The following ZNF445 variants were observed in gnomAD, a reference collection of about 807,000 sequenced individuals.
ZNF445 encodes the protein zinc finger protein 168.
ZNF445 carries 19 observed loss-of-function variants against 93.9 expected under a neutral mutation model. That is an observed-to-expected ratio of 0.20 (90% CI 0.14 to 0.30). The LOEUF is 0.30. Ranked by LOEUF, ZNF445 falls within the 10% of genes least tolerant of loss-of-function variation. ZNF445 has a pLI of 1.00. For missense variants in ZNF445, 1,058 were observed against 1,259.4 expected, an observed-to-expected ratio of 0.84 and a Z score of 2.42; for synonymous variants, 449 against 446.3, an observed-to-expected ratio of 1.01 and a Z score of -0.08.
chr3:44,449,251 GAAGC>G (rs1409219774), intron 7 of ZNF445, among the ~76,000 whole-genome samples: 4 of 152,162 alleles, frequency 2.6e-5, no homozygotes, highest in African/African-American at 9.7e-5. Flanking sequence ...CAGGAACAGT[GAAGC>G]CCTCCAGCAG....
chr3:44,451,317 A>G lies in ZNF445; in HGVS notation c.595T>C (p.Ser199Pro), dbSNP rs750834061. The change falls in exon 4 of 8, where the codon TCC (serine) becomes CCC (proline). Residue 199 changes from serine to proline, a missense_variant. Physicochemically the swap from Ser to Pro is moderately conservative, Grantham distance 74. Around this residue, in one of 3 missense-constraint regions of ZNF445, gnomAD observed 657 missense variants for 746.4 expected, o/e 0.88. Coordinates refer to ENST00000396077, the MANE Select transcript of ZNF445 (RefSeq NM_181489.6). ...CTTAAGGCCAGGCAGCAAGTACCGG[A>G]TTGCCCAGCCAGGAAGTCACGTGCT... ...IEARDFLAGQ[S>P]DTPAAQMPAL... 1 of 1,613,148 alleles carries G rather than the reference A, an allele frequency of 6.2e-7. No homozygotes were observed. The highest frequency in any genetic ancestry group is 1.1e-5 in the South Asian group (1 of 91,070).
Position 44,432,023 on chromosome 3 carries a change from C to G in ZNF445, c.*14552G>C, listed in dbSNP as rs758932222. On this transcript the variant is annotated 3_prime_UTR_variant, in exon 8 of 8. Coordinates refer to ENST00000396077, the MANE Select transcript of ZNF445 (RefSeq NM_181489.6). The stretch of plus-strand genomic sequence containing the variant: ...CAAGCTATTCTCCCATCTTAGCCTC[C>G]CAGCTGGGATTACAGGCATGAGCCA... The G allele has an allele frequency of 2.6e-5, 4 of 152,066 alleles. No individual in the cohort carries two copies. The highest frequency in any genetic ancestry group is 4.4e-5 in the Non-Finnish European group (3 of 68,040). 9.4% of individuals were successfully genotyped at this position (152,066 alleles called of 1,614,324 possible).
chr3:44,466,910 T>C (rs1202086937), intron 1 of ZNF445, among the ~76,000 whole-genome samples: 1 of 152,376 alleles, frequency 6.6e-6, no homozygotes. Flanking sequence ...AATTGCTGTA[T>C]GCCACAGAAG....
At position 44,435,287 on chromosome 3, in the gene ZNF445, ATTC is replaced by A. The variant is rs950805107; in HGVS notation, c.*11285_*11287del. The A allele has an allele frequency of 3.3e-5, 5 of 152,142 alleles. No individual in the cohort carries two copies. Among genetic ancestry groups the A allele is most frequent in the Admixed American group, 6.6e-5 (1 of 15,256 alleles). 9.4% of individuals were successfully genotyped at this position (152,142 alleles called of 1,614,324 possible). A position where few individuals can be genotyped will look rare whatever the true frequency, so the allele number is the denominator to read the frequency against. ...TCCTCACTGGACAGCCTTGTGAATA[ATTC>A]TTCTCTCTTTTGCAAAACCCATGTC... On this transcript the variant is annotated 3_prime_UTR_variant, in exon 8 of 8. Transcript: ENST00000396077.
intron 1 of ZNF445, among the ~76,000 whole-genome samples, chr3:44,468,133 G>A (rs1016143466): frequency 3.9e-5 from 6 of 152,192 alleles, no homozygotes; most frequent in Non-Finnish European, 8.8e-5. Context: ...CTCTTCTCAC[G>A]CTGGGGTTCA....
At position 44,449,587 on chromosome 3, in the gene ZNF445, AAC is replaced by A; in HGVS notation, c.855_856del (p.Trp285CysfsTer17). The A allele has an allele frequency of 6.2e-7, 1 of 1,614,120 alleles. No individual in the cohort carries two copies. The highest frequency in any genetic ancestry group is 8.5e-7 in the Non-Finnish European group (1 of 1,180,010). ...CAGGCCCCATGGCTCCCTTGCTTCC[AAC>A]CAGGAGATCAGAGCAGGTTTGGTGA... On this transcript the variant is annotated frameshift_variant, in exon 7 of 8. Coordinates refer to ENST00000396077, the MANE Select transcript of ZNF445 (RefSeq NM_181489.6). LOFTEE classifies it high-confidence loss of function.
intron 3 of ZNF445, among the ~76,000 whole-genome samples, chr3:44,453,137 C>T (rs1053473656): frequency 1.3e-5 from 2 of 152,070 alleles, no homozygotes; most frequent in South Asian, 2.1e-4. Flanking sequence ...TGGTCTCGAT[C>T]TCTTGACCTT....
In ZNF445 at chr3:44,433,107, G is replaced by A. The variant is rs1245592041; in HGVS notation, c.*13468C>T. The A allele has an allele frequency of 6.6e-6, 1 of 151,836 alleles. No individual in the cohort carries two copies. The highest frequency in any genetic ancestry group is 1.5e-5 in the Non-Finnish European group (1 of 67,990). 9.4% of individuals were successfully genotyped at this position (151,836 alleles called of 1,614,324 possible). On this transcript the variant is annotated 3_prime_UTR_variant, in exon 8 of 8. Coordinates refer to ENST00000396077, the MANE Select transcript of ZNF445 (RefSeq NM_181489.6). Reference sequence around the variant, plus strand: ...TCTCTCACCACCCAAAGCTTCCTGGGATGCTAAGGGTCATCGTTCTTTTTT... The same window carrying A: ...TCTCTCACCACCCAAAGCTTCCTGGAATGCTAAGGGTCATCGTTCTTTTTT...
intron 1 of ZNF445, among the ~76,000 whole-genome samples, chr3:44,461,190 G>T (rs900339999): frequency 2.0e-5 from 3 of 152,064 alleles, no homozygotes; most frequent in Non-Finnish European, 4.4e-5. Flanking sequence ...CTATGGTGTG[G>T]TGTCTGTAGC....
rs1318997151 is a variant in ZNF445, at chr3:44,443,186, G to C, written c.*3389C>G. The C allele has an allele frequency of 1.3e-5, 2 of 152,214 alleles. No individual in the cohort carries two copies. Among genetic ancestry groups the C allele is most frequent in the Admixed American group, 1.3e-4 (2 of 15,268 alleles). 9.4% of individuals were successfully genotyped at this position (152,214 alleles called of 1,614,324 possible). On this transcript the variant is annotated 3_prime_UTR_variant, in exon 8 of 8. Coordinates refer to ENST00000396077, the MANE Select transcript of ZNF445 (RefSeq NM_181489.6). ...GAGGCAGCACAAGGCAGAACACTCT[G>C]GGGGGCTGGCATGGGGAAGGGACAG...
intron 1 of ZNF445, among the ~76,000 whole-genome samples, chr3:44,459,915 G>A (rs1411444930): frequency 6.6e-6 from 1 of 152,178 alleles, no homozygotes; most frequent in African/African-American, 2.4e-5. Context: ...AGAATCTACT[G>A]TGAGAGCTAG....
chr3:44,466,288 A>C (rs370847834), intron 1 of ZNF445, among the ~76,000 whole-genome samples: 6 of 152,160 alleles, frequency 3.9e-5, no homozygotes, highest in Admixed American at 6.5e-5. Flanking sequence ...TACTTGACAA[A>C]CTTTCCAAAA....
rs746303593 is a variant in ZNF445, at chr3:44,435,826, G to C, written c.*10749C>G. On this transcript the variant is annotated 3_prime_UTR_variant, in exon 8 of 8. Coordinates refer to ENST00000396077, the MANE Select transcript of ZNF445 (RefSeq NM_181489.6). ...ATGAATCTGAGCCAAAAAGCCCATTGATCACCTGACCTCCATACACTCTTA... is the reference window on the plus strand; with the variant it reads ...ATGAATCTGAGCCAAAAAGCCCATTCATCACCTGACCTCCATACACTCTTA... 6.6e-6 allele frequency: 1 copy of C among 152,094 alleles called. No homozygotes were observed. 9.4% of individuals were successfully genotyped at this position (152,094 alleles called of 1,614,324 possible).
chr3:44,450,275 T>C lies in ZNF445; in HGVS notation c.820+172A>G, dbSNP rs994911679. 1.3e-5 allele frequency: 10 copies of C among 742,708 alleles called. No individual in the cohort carries two copies. The African/African-American group carries it at 1.8e-4, about 13-fold the overall frequency. The allele number at this position is 742,708 out of a possible 1,614,324, so 46.0% of individuals were successfully genotyped here. A position where few individuals can be genotyped will look rare whatever the true frequency, so the allele number is the denominator to read the frequency against. ...TTACAATAATCCAGAATGGCAGGCA[T>C]TATTCTCCCCATTTTTCAAAAGAGG... On this transcript the variant is annotated intron_variant, in intron 6 of 7. Transcript: ENST00000396077.
Position 44,447,805 on chromosome 3 carries a change from C to T in ZNF445, c.1866G>A (p.Glu622=). The change falls in exon 8 of 8, where the codon GAG becomes GAA. Residue 622 remains glutamate, a synonymous_variant. Coordinates refer to ENST00000396077, the MANE Select transcript of ZNF445 (RefSeq NM_181489.6). This position sits in a 1 kb window ranked among gnomAD's most constrained non-coding sequence, Gnocchi z 4.7. ...TACATTTGGTACATTTATAGGGCTT[C>T]TCCTGGGTGTGAATCCTTTGATGTT... ...VLEHQRIHTQ[E]KPYKCTKCRK... is the part of the protein sequence containing the mutation. 3 of 1,614,108 alleles carry T rather than the reference C, an allele frequency of 1.9e-6. No individual in the cohort carries two copies. In the South Asian group the frequency reaches 3.3e-5, roughly 18 times the overall value.
rs1344270427 is a variant in ZNF445, at chr3:44,436,362, A to G, written c.*10213T>C. On this transcript the variant is annotated 3_prime_UTR_variant, in exon 8 of 8. Coordinates refer to ENST00000396077, the MANE Select transcript of ZNF445 (RefSeq NM_181489.6). Reference sequence around the variant, plus strand: ...ATTGTGTTTTTGGTGACTAAGTGTTACCATATGGTCCCTGCCTCCTCAGGA... The same window carrying G: ...ATTGTGTTTTTGGTGACTAAGTGTTGCCATATGGTCCCTGCCTCCTCAGGA... 1 of 152,210 alleles carries G rather than the reference A, an allele frequency of 6.6e-6. No individual in the cohort carries two copies. The highest frequency in any genetic ancestry group is 1.5e-5 in the Non-Finnish European group (1 of 68,062). 9.4% of individuals were successfully genotyped at this position (152,210 alleles called of 1,614,324 possible).
At position 44,446,846 on chromosome 3, in the gene ZNF445, T is replaced by C. The variant is rs1287230450; in HGVS notation, c.2825A>G (p.Gln942Arg). 5 of 1,614,182 alleles carry C rather than the reference T, an allele frequency of 3.1e-6. No individual in the cohort carries two copies. The highest frequency in any genetic ancestry group is 2.7e-5 in the African/African-American group (2 of 75,056). Residue 942 changes from glutamine to arginine, a missense_variant, in exon 8 of 8, where the codon CAG becomes CGG. By Grantham distance (43) the Gln-to-Arg change is conservative (BLOSUM62 1). Around this residue, in one of 3 missense-constraint regions of ZNF445, gnomAD observed 387 missense variants for 475.7 expected, o/e 0.81. Transcript: ENST00000396077. This position sits in a 1 kb window ranked among gnomAD's most constrained non-coding sequence, Gnocchi z 4.2. ...SSSQDTKLRL[Q>R]KLKPSEEMPL... ...CATCTCTTCACTTGGTTTTAGCTTCTGTAATCTCAACTTTGTGTCCTGAGA... is the reference window on the plus strand; with the variant it reads ...CATCTCTTCACTTGGTTTTAGCTTCCGTAATCTCAACTTTGTGTCCTGAGA...
chr3:44,475,152 GTCA>G lies in ZNF445; in HGVS notation c.-269+2436_-269+2438del, dbSNP rs1205710107. On this transcript the variant is annotated intron_variant, in intron 1 of 7. Coordinates refer to ENST00000396077, the MANE Select transcript of ZNF445 (RefSeq NM_181489.6). ...TACATTGAGAAGTTCCAGTCATTCAGTCATCATCATTTTTATCTGATTTATTTC... is the reference window on the plus strand; with the variant it reads ...TACATTGAGAAGTTCCAGTCATTCAGTCATCATTTTTATCTGATTTATTTC... Among the ~76,000 whole-genome samples the G allele has an allele frequency of 3.3e-5, 5 of 152,230 alleles. No individual in the cohort carries two copies. The South Asian group carries it at 1.0e-3, about 32-fold the overall frequency.
At chr3:44,453,320 C>T (rs748629852) in intron 3 of ZNF445, among the ~76,000 whole-genome samples, 16 of 150,036 alleles carry the variant, frequency 1.1e-4, no homozygotes, top group African/African-American at 2.5e-4. Context: ...TTTTAGACAG[C>T]GTCTTGTTCT....
Sources: gnomAD v4.1 joint callset for allele counts (sites outside exome capture counted in the v4.1 genomes callset) on GRCh38, gnomAD v4.1.1 for gene constraint, gnomAD v4.1.1 regional missense constraint, Gnocchi (gnomAD v3.1) non-coding constraint, MANE v1.5 for transcripts, NCBI Gene and HGNC (gene_info 2026-07-23, HGNC 2026-07-21) for gene names.